BMPR2: variants seen among roughly 807,000 people sequenced by gnomAD.
BMPR2 encodes the protein bone morphogenetic protein receptor type 2, also known as bone morphogenetic protein receptor type-2.
BMPR2 carries 29 observed loss-of-function variants against 100.8 expected under a neutral mutation model. The ratio of observed to expected loss-of-function variants is 0.29; its 90% CI spans 0.21 to 0.39. The LOEUF (loss-of-function observed/expected upper bound fraction) is 0.39, where lower values mean the gene tolerates loss of function less well. BMPR2 is among the 10% of genes least tolerant of loss of function. The pLI is 1.00. For synonymous variants in BMPR2, 382 were observed against 442.3 expected (o/e 0.86, Z 1.71); for missense variants, 1,011 against 1,274.5 (o/e 0.79, Z 3.15).
At chr2:202,439,319 ATGT>A (rs1415492162) in intron 1 of BMPR2, among the ~76,000 whole-genome samples, 1 of 149,438 alleles carries the variant, frequency 6.7e-6, no homozygotes, top group Non-Finnish European at 1.5e-5. Context: ...GTATTCTGCA[ATGT>A]TGTTGAACTT....
chr2:202,522,534 A>T (rs1286362145), intron 7 of BMPR2, among the ~76,000 whole-genome samples: 3 of 149,704 alleles, frequency 2.0e-5, no homozygotes, highest in Non-Finnish European at 4.4e-5. Flanking sequence ...ATTCTTGTCC[A>T]TTAATAATTT....
intron 3 of BMPR2, among the ~76,000 whole-genome samples, chr2:202,487,907 G>A (rs34519942): frequency 0.12 from 18,088 of 152,154 alleles, 1,196 homozygotes; most frequent in Admixed American, 0.14. Flanking sequence ...ATTGGGTTTC[G>A]CTATTTTGGC....
chr2:202,556,539 G>T lies in BMPR2; in HGVS notation c.2866+8G>T. The T allele has an allele frequency of 6.2e-7, 1 of 1,610,674 alleles. No individual in the cohort carries two copies. Among genetic ancestry groups the T allele is most frequent in the South Asian group, 1.1e-5 (1 of 91,072 alleles). On this transcript the variant is annotated splice_region_variant and intron_variant, in intron 12 of 12. Coordinates refer to ENST00000374580, the MANE Select transcript of BMPR2 (RefSeq NM_001204.7). ...ATGGCAGCAGTATACAGAGTAAGTGGAGGGATCATATAATCTCTCCTGTGT... is the reference window on the plus strand; with the variant it reads ...ATGGCAGCAGTATACAGAGTAAGTGTAGGGATCATATAATCTCTCCTGTGT...
At chr2:202,530,544 G>A (rs781671462) in intron 7 of BMPR2, among the ~76,000 whole-genome samples, 32 of 152,142 alleles carry the variant, frequency 2.1e-4, no homozygotes, top group Admixed American at 1.2e-3. Flanking sequence ...AAACAAGTGC[G>A]TGTTAGAATC....
chr2:202,425,479 A>C (rs1468098876), intron 1 of BMPR2, among the ~76,000 whole-genome samples: 3 of 152,246 alleles, frequency 2.0e-5, no homozygotes, highest in South Asian at 2.1e-4. Flanking sequence ...GTATGTTATA[A>C]TCTGTTTACA....
At chr2:202,400,803 A>G (rs1277541958) in intron 1 of BMPR2, among the ~76,000 whole-genome samples, 1 of 152,216 alleles carries the variant, frequency 6.6e-6, no homozygotes, top group Non-Finnish European at 1.5e-5. Flanking sequence ...TTTAGCTACT[A>G]ATTGTGAAAC....
At chr2:202,417,111 C>A (rs1278724358) in intron 1 of BMPR2, among the ~76,000 whole-genome samples, 2 of 152,072 alleles carry the variant, frequency 1.3e-5, no homozygotes, top group Non-Finnish European at 2.9e-5. Flanking sequence ...GCTGGGATTA[C>A]AGGCGTGAGC....
intron 1 of BMPR2, among the ~76,000 whole-genome samples, chr2:202,453,824 G>A (rs1249825735): frequency 6.6e-6 from 1 of 152,014 alleles, no homozygotes; most frequent in Non-Finnish European, 1.5e-5. Flanking sequence ...GAGTATAATT[G>A]GATTGTTTGT....
intron 3 of BMPR2, among the ~76,000 whole-genome samples, chr2:202,499,769 G>A (rs1181484506): frequency 1.3e-5 from 2 of 152,182 alleles, no homozygotes; most frequent in East Asian, 1.9e-4. Context: ...TGGCAACCTC[G>A]GTGTTCTATA....
chr2:202,432,306 G>T (rs1691521949), intron 1 of BMPR2, among the ~76,000 whole-genome samples: 1 of 150,670 alleles, frequency 6.6e-6, no homozygotes, highest in Non-Finnish European at 1.5e-5. Flanking sequence ...CTAACACCAG[G>T]TAATGATTTA....
chr2:202,466,138 A>C (rs1692316247), intron 2 of BMPR2, among the ~76,000 whole-genome samples: 1 of 152,186 alleles, frequency 6.6e-6, no homozygotes, highest in Non-Finnish European at 1.5e-5. Flanking sequence ...CTTGAAATAG[A>C]TCCCTTGATG....
At chr2:202,464,753 TATA>T (rs1692284996) in intron 1 of BMPR2, 53 bp from the exon 2 acceptor site, 3 of 1,486,210 alleles carry the variant, frequency 2.0e-6, no homozygotes, top group Admixed American at 2.0e-5. Flanking sequence ...AAAGATTTTA[TATA>T]ATATTTTGAA....
chr2:202,423,406 C>G (rs1026516049), intron 1 of BMPR2, among the ~76,000 whole-genome samples: 7 of 152,094 alleles, frequency 4.6e-5, no homozygotes, highest in African/African-American at 1.7e-4. Context: ...GGCTGTGTCT[C>G]CTTGAAAGGA....
At chr2:202,537,892 G>C (rs1246675318) in intron 9 of BMPR2, among the ~76,000 whole-genome samples, 2 of 152,044 alleles carry the variant, frequency 1.3e-5, no homozygotes, top group African/African-American at 4.8e-5. Context: ...GCTGAGAGGG[G>C]TGGGGGTGGA....
chr2:202,391,599 A>C (rs1267546772), intron 1 of BMPR2, among the ~76,000 whole-genome samples: 10 of 139,046 alleles, frequency 7.2e-5, no homozygotes, highest in African/African-American at 2.7e-4. Context: ...ACCAGTGTAC[A>C]CTCTTTTTTT....
At chr2:202,517,358 G>C (rs1304905888) in intron 5 of BMPR2, among the ~76,000 whole-genome samples, 1 of 119,630 alleles carries the variant, frequency 8.4e-6, no homozygotes, top group South Asian at 2.6e-4. Flanking sequence ...TTTTTACTCT[G>C]TCATCCAGGC....
At chr2:202,421,652 A>AG (rs1691264760) in intron 1 of BMPR2, among the ~76,000 whole-genome samples, 1 of 151,812 alleles carries the variant, frequency 6.6e-6, no homozygotes, top group South Asian at 2.1e-4. Context: ...AAAAAAAAAA[A>AG]AAAAAGAATT....
At chr2:202,409,031 C>G (rs761199123) in intron 1 of BMPR2, among the ~76,000 whole-genome samples, 1 of 152,154 alleles carries the variant, frequency 6.6e-6, no homozygotes, top group African/African-American at 2.4e-5. Flanking sequence ...ACAAACTACT[C>G]TTCTTAAATG....
At chr2:202,509,673 T>C (rs1687586417) in intron 3 of BMPR2, among the ~76,000 whole-genome samples, 1 of 151,876 alleles carries the variant, frequency 6.6e-6, no homozygotes, top group African/African-American at 2.4e-5. Flanking sequence ...TACATTAAAA[T>C]TTTAATATTT....
Sources: allele counts gnomAD v4.1 joint callset (sites outside exome capture counted in the v4.1 genomes callset), GRCh38; gene constraint gnomAD v4.1.1; transcripts MANE v1.5; gene names NCBI Gene and HGNC (gene_info 2026-07-23, HGNC 2026-07-21).